TENM2: variants seen among roughly 807,000 people sequenced by gnomAD.
TENM2 encodes teneurin-2.
TENM2 carries 52 observed loss-of-function variants against 245.2 expected under a neutral mutation model. That is an observed-to-expected ratio of 0.21 (90% CI 0.17 to 0.27). The LOEUF (loss-of-function observed/expected upper bound fraction) is 0.27. TENM2 is among the 10% of genes least tolerant of loss of function. The pLI is 1.00. For synonymous variants in TENM2, 1,363 were observed against 1,438.9 expected (o/e 0.95, Z 1.19); for missense variants, 3,046 against 3,666.8 (o/e 0.83, Z 4.37).
chr5:167,368,074 GA>G (rs1355552835), intron 1 of TENM2, among the ~76,000 whole-genome samples: 1 of 151,694 alleles, frequency 6.6e-6, no homozygotes. Context: ...AATGATTTTA[GA>G]AAAAGGCCGC....
intron 2 of TENM2, among the ~76,000 whole-genome samples, chr5:167,868,394 T>C (rs1381323406): frequency 2.0e-5 from 3 of 151,954 alleles, no homozygotes; most frequent in African/African-American, 7.2e-5. Flanking sequence ...AAATACAAAA[T>C]ATAAATATTA....
At chr5:167,353,507 T>TG (rs1470714176) in intron 1 of TENM2, among the ~76,000 whole-genome samples, 1,283 of 114,016 alleles carry the variant, frequency 0.011, 75 homozygotes, top group Admixed American at 0.095. Context: ...GTTGTTTTTT[T>TG]TTTTTTTTTT....
chr5:167,823,897 G>A (rs1470589685), intron 2 of TENM2, among the ~76,000 whole-genome samples: 2 of 152,170 alleles, frequency 1.3e-5, no homozygotes, highest in African/African-American at 4.8e-5. Flanking sequence ...GGCCATGGTA[G>A]GTTGGACGGC....
At chr5:167,364,984 C>T (rs1000707226) in intron 1 of TENM2, among the ~76,000 whole-genome samples, 4 of 151,946 alleles carry the variant, frequency 2.6e-5, no homozygotes, top group Non-Finnish European at 5.9e-5. Flanking sequence ...TAGGACACTA[C>T]ACACGAGAAT....
At chr5:167,592,191 C>T (rs528130090) in intron 2 of TENM2, among the ~76,000 whole-genome samples, 4 of 152,288 alleles carry the variant, frequency 2.6e-5, no homozygotes, top group African/African-American at 7.2e-5. Context: ...TTGCTGAGTT[C>T]GGCTTCTTCT....
chr5:167,101,850 T>TATATATATATATATATAA, the TENM2 span, among the ~76,000 whole-genome samples: 1 of 51,526 alleles, frequency 1.9e-5, no homozygotes, highest in South Asian at 7.5e-4. Flanking sequence ...TATATATATT[T>TATATATATATATATATAA]ATATATATAT....
intron 12 of TENM2, among the ~76,000 whole-genome samples, chr5:168,151,930 C>G (rs933304070): frequency 6.6e-6 from 1 of 152,194 alleles, no homozygotes; most frequent in Admixed American, 6.5e-5. Context: ...CCTCTTGGGG[C>G]ACAAGATTTT....
At chr5:167,636,063 AAT>A (rs1298404704) in intron 2 of TENM2, among the ~76,000 whole-genome samples, 6 of 152,132 alleles carry the variant, frequency 3.9e-5, no homozygotes, top group African/African-American at 9.7e-5. Context: ...CAGTTATTTT[AAT>A]ATGTTTCTAG....
At chr5:167,769,465 A>G (rs1043886237) in intron 2 of TENM2, among the ~76,000 whole-genome samples, 1 of 152,168 alleles carries the variant, frequency 6.6e-6, no homozygotes, top group African/African-American at 2.4e-5. Context: ...CAGAAAACCA[A>G]TTGCATTAGA....
intron 27 of TENM2, among the ~76,000 whole-genome samples, chr5:168,248,630 C>T (rs1279050153): frequency 6.6e-6 from 1 of 152,220 alleles, no homozygotes; most frequent in Non-Finnish European, 1.5e-5. Flanking sequence ...GCCCTTCCTA[C>T]CCCAACAGAG....
At chr5:167,178,431 G>C in the TENM2 span, among the ~76,000 whole-genome samples, 1 of 152,160 alleles carries the variant, frequency 6.6e-6, no homozygotes, top group African/African-American at 2.4e-5. Context: ...TTCTCATCCT[G>C]GTCGGGGCTC....
chr5:168,105,708 T>C (rs1794187101), intron 9 of TENM2, among the ~76,000 whole-genome samples: 1 of 152,076 alleles, frequency 6.6e-6, no homozygotes, highest in Admixed American at 6.6e-5. Flanking sequence ...TCAGGAAAAA[T>C]GGCATTTCTT....
intron 2 of TENM2, among the ~76,000 whole-genome samples, chr5:167,567,158 C>T (rs922635589): frequency 2.6e-5 from 4 of 152,130 alleles, no homozygotes; most frequent in Non-Finnish European, 5.9e-5. Flanking sequence ...CCCAAATTAT[C>T]TCATCTTTAC....
At chr5:167,453,680 A>C (rs559603501) in intron 2 of TENM2, among the ~76,000 whole-genome samples, 68 of 152,282 alleles carry the variant, frequency 4.5e-4, no homozygotes, top group Middle Eastern at 3.4e-3. Flanking sequence ...CTAGAGTTCA[A>C]ATTTGTCCCA....
chr5:167,851,340 T>TA (rs1212258720), intron 2 of TENM2, among the ~76,000 whole-genome samples: 4 of 152,208 alleles, frequency 2.6e-5, no homozygotes, highest in Admixed American at 6.5e-5. Flanking sequence ...ATTGACTTTA[T>TA]AAAAAATCAG....
chr5:167,243,870 AG>A, the TENM2 span, among the ~76,000 whole-genome samples: 1 of 152,152 alleles, frequency 6.6e-6, no homozygotes, highest in Non-Finnish European at 1.5e-5. Context: ...TTCTGTGTCT[AG>A]GACAAGTCTA....
At chr5:167,888,140 A>G (rs1397528506) in intron 3 of TENM2, among the ~76,000 whole-genome samples, 1 of 152,224 alleles carries the variant, frequency 6.6e-6, no homozygotes, top group Admixed American at 6.5e-5. Context: ...AGCTATCAAG[A>G]GTCAGGACTT....
chr5:167,354,492 C>T (rs546767239), intron 1 of TENM2, among the ~76,000 whole-genome samples: 3 of 152,254 alleles, frequency 2.0e-5, no homozygotes, highest in Non-Finnish European at 2.9e-5. Flanking sequence ...CCCTTCACCC[C>T]CTCCCCTAAA....
chr5:167,078,171 T>C, the TENM2 span, among the ~76,000 whole-genome samples: 2 of 152,022 alleles, frequency 1.3e-5, no homozygotes, highest in African/African-American at 4.8e-5. Context: ...CTCAGGTCAA[T>C]AGAACATGGG....
Sources: gnomAD v4.1 joint callset for allele counts (sites outside exome capture counted in the v4.1 genomes callset) on GRCh38, gnomAD v4.1.1 for gene constraint, MANE v1.5 for transcripts, NCBI Gene and HGNC (gene_info 2026-07-23, HGNC 2026-07-21) for gene names.